Variants in LDLRAD4 observed in about 807,000 individuals in gnomAD.
The protein encoded by LDLRAD4 is low density lipoprotein receptor class A domain containing 4, also known as low-density lipoprotein receptor class A domain-containing protein 4.
In LDLRAD4, 5 loss-of-function variants were observed where a neutral mutation model predicts 17.0. That is an observed-to-expected ratio of 0.29 (90% CI 0.15 to 0.62). The LOEUF (loss-of-function observed/expected upper bound fraction) is 0.62. Among genes scored for constraint, LDLRAD4 ranks in the 20% least tolerant of loss-of-function variants. The pLI, the probability that LDLRAD4 is intolerant of heterozygous loss-of-function variation, is 0.84. For synonymous variants in LDLRAD4, 168 were observed against 171.8 expected, an observed-to-expected ratio of 0.98 and a Z score of 0.17; for missense variants, 340 against 424.7, an observed-to-expected ratio of 0.80 and a Z score of 1.75.
chr18:13,643,303 A>G, intron 4 of LDLRAD4, 56 bp from the exon 6 acceptor site: 1 of 1,139,762 alleles, frequency 8.8e-7, no homozygotes, highest in Non-Finnish European at 1.2e-6. Flanking sequence ...CGGCGGGGCT[A>G]ATGATTTTCC....
At chr18:13,495,711 G>C (rs1326572677) in intron 3 of LDLRAD4, among the ~76,000 whole-genome samples, 1 of 152,044 alleles carries the variant, frequency 6.6e-6, no homozygotes. Flanking sequence ...AACAAGAGAA[G>C]ACTTCAAAGG....
In LDLRAD4 at chr18:13,440,325, A is replaced by G. The variant is rs2090943828; in HGVS notation, c.181+1941A>G. On this transcript the variant is annotated intron_variant, in intron 3 of 5. Coordinates refer to ENST00000359446, the Ensembl canonical transcript of LDLRAD4. The surrounding 1 kb of genome is among the most constrained non-coding windows in gnomAD (Gnocchi z 4.4). ...GTATTCTTTCCGGTTTTTGAGGCCT[A>G]TCTCCAGATCGCTTTTCCACTCATT... Among the ~76,000 whole-genome samples, 1 of 151,972 alleles carries G rather than the reference A, an allele frequency of 6.6e-6. No individual in the cohort carries two copies. Among genetic ancestry groups the G allele is most frequent in the Admixed American group, 6.5e-5 (1 of 15,272 alleles).
At chr18:13,283,997 C>T (rs1599112129) in intron 1 of LDLRAD4, among the ~76,000 whole-genome samples, 2 of 152,242 alleles carry the variant, frequency 1.3e-5, no homozygotes, top group East Asian at 3.9e-4. Flanking sequence ...ACGAGAATGG[C>T]ACAGGAAAGG....
rs373704335 is a variant in LDLRAD4 at position 13,219,648 on chromosome 18, C to T, written c.-467+660C>T. 2.4e-4 allele frequency among the ~76,000 whole-genome samples: 37 copies of T among 152,168 alleles called. No homozygotes were observed. In the East Asian group the frequency reaches 2.5e-3, roughly 10 times the overall value. On this transcript the variant is annotated intron_variant, in intron 1 of 5. Transcript: ENST00000399848. ...GGATAGAGATGGTGAGCAGCATTGA[C>T]TCTCAAAAATAGGGTCCTATGGCTG...
chr18:13,564,835 T>C (rs1360257301), intron 3 of LDLRAD4, among the ~76,000 whole-genome samples: 9 of 152,202 alleles, frequency 5.9e-5, no homozygotes, highest in African/African-American at 2.2e-4. Flanking sequence ...CCTTGCTCTT[T>C]AGGCATGATT....
chr18:13,650,368 C>T (rs1322444472), exon 6 of LDLRAD4: 4 of 399,178 alleles, frequency 1.0e-5, no homozygotes, highest in African/African-American at 4.1e-5. Flanking sequence ...CTTCCCTCTG[C>T]GTGTCCTTGT....
At chr18:13,605,454 G>A (rs1228761560) in intron 3 of LDLRAD4, among the ~76,000 whole-genome samples, 1 of 152,240 alleles carries the variant, frequency 6.6e-6, no homozygotes, top group African/African-American at 2.4e-5. Context: ...CTGGCCTCAA[G>A]CAGTCCTCCT....
intron 3 of LDLRAD4, among the ~76,000 whole-genome samples, chr18:13,506,047 G>A (rs3132835): frequency 0.61 from 92,771 of 151,546 alleles, 29,713 homozygotes; most frequent in East Asian, 0.74. Flanking sequence ...TCTCAGCGTT[G>A]TAAAGTATCT....
At chr18:13,246,137 GAAC>G (rs1343054819) in intron 1 of LDLRAD4, among the ~76,000 whole-genome samples, 1 of 152,208 alleles carries the variant, frequency 6.6e-6, no homozygotes, top group Non-Finnish European at 1.5e-5. Flanking sequence ...TAAAGTGTGC[GAAC>G]AACGATAAAT....
At chr18:13,484,432 C>T (rs2093169056) in intron 3 of LDLRAD4, among the ~76,000 whole-genome samples, 1 of 152,170 alleles carries the variant, frequency 6.6e-6, no homozygotes, top group South Asian at 2.1e-4. Context: ...TGGGGAGACC[C>T]TGTCTCTACA....
At chr18:13,611,662 G>C in intron 3 of LDLRAD4, 1 of 985,354 alleles carries the variant, frequency 1.0e-6, no homozygotes. Context: ...AACTAAAACT[G>C]CCTAGGAACA....
chr18:13,477,135 C>T (rs1167277608), intron 3 of LDLRAD4, among the ~76,000 whole-genome samples: 1 of 152,018 alleles, frequency 6.6e-6, no homozygotes, highest in Admixed American at 6.5e-5. Flanking sequence ...CAAGGAATAC[C>T]AGGAGGATTG....
At chr18:13,450,331 C>CA (rs998889298) in intron 3 of LDLRAD4, among the ~76,000 whole-genome samples, 5 of 119,902 alleles carry the variant, frequency 4.2e-5, no homozygotes, top group African/African-American at 1.3e-4. Flanking sequence ...CCCCCACCCC[C>CA]CCCCCCAAAA....
intron 3 of LDLRAD4, among the ~76,000 whole-genome samples, chr18:13,524,539 A>T (rs892466144): frequency 6.6e-6 from 1 of 152,192 alleles, no homozygotes; most frequent in African/African-American, 2.4e-5. Flanking sequence ...CTAAGAAGGA[A>T]AGTTACTGTC....
chr18:13,553,491 A>G (rs2094454562), intron 3 of LDLRAD4, among the ~76,000 whole-genome samples: 1 of 152,218 alleles, frequency 6.6e-6, no homozygotes, highest in African/African-American at 2.4e-5. Flanking sequence ...GAAAAATCCT[A>G]AATTAAAAGG....
chr18:13,354,275 T>C (rs1046825783), intron 1 of LDLRAD4, among the ~76,000 whole-genome samples: 4 of 152,152 alleles, frequency 2.6e-5, no homozygotes, highest in African/African-American at 9.7e-5. Context: ...CTTTGGAGAA[T>C]GCAATAAGAA....
intron 1 of LDLRAD4, among the ~76,000 whole-genome samples, chr18:13,369,233 T>G (rs1175565897): frequency 1.3e-5 from 2 of 152,198 alleles, no homozygotes; most frequent in Non-Finnish European, 2.9e-5. Context: ...ATTTTTCAGT[T>G]AGTAAGTGTT....
intron 1 of LDLRAD4, among the ~76,000 whole-genome samples, chr18:13,365,430 T>C (rs1322172817): frequency 6.6e-6 from 1 of 152,220 alleles, no homozygotes; most frequent in African/African-American, 2.4e-5. Flanking sequence ...GTGATAATTG[T>C]CAATATTTGT....
intron 3 of LDLRAD4, among the ~76,000 whole-genome samples, chr18:13,448,044 AT>A (rs1453027456): frequency 6.6e-6 from 1 of 152,184 alleles, no homozygotes; most frequent in Non-Finnish European, 1.5e-5. Context: ...TTACTGATCA[AT>A]TTTAGTGCAA....
Sources: allele counts gnomAD v4.1 joint callset (sites outside exome capture counted in the v4.1 genomes callset), GRCh38; gene constraint gnomAD v4.1.1; non-coding constraint Gnocchi (gnomAD v3.1); transcripts MANE v1.5; gene names NCBI Gene and HGNC (gene_info 2026-07-23, HGNC 2026-07-21).